Variants in IQCB1 observed in about 807,000 individuals in gnomAD.
The protein encoded by IQCB1 is IQ calmodulin-binding motif-containing protein 1.
Under a neutral mutation model 84.4 loss-of-function variants are expected in IQCB1, and 56 were observed. That is an observed-to-expected ratio of 0.66 (90% CI 0.54 to 0.83). The LOEUF (loss-of-function observed/expected upper bound fraction) is 0.83, where lower values mean the gene tolerates loss of function less well. IQCB1 is among the 40% of genes least tolerant of loss of function. The pLI, the probability that IQCB1 is intolerant of heterozygous loss-of-function variation, is 0.00. For missense variants in IQCB1, 629 were observed against 682.1 expected, an observed-to-expected ratio of 0.92 and a Z score of 0.87; for synonymous variants, 210 against 234.8, an observed-to-expected ratio of 0.89 and a Z score of 0.96.
chr3:121,813,691 G>A (rs1460125592), intron 5 of IQCB1, among the ~76,000 whole-genome samples: 4 of 152,154 alleles, frequency 2.6e-5, no homozygotes, highest in Non-Finnish European at 5.9e-5. Context: ...ATTATGTAAT[G>A]GTAAAGGGAT....
Position 121,770,380 on chromosome 3 carries a change from C to G in IQCB1, c.1762G>C (p.Glu588Gln), listed in dbSNP as rs1278353359. The G allele has an allele frequency of 6.2e-7, 1 of 1,613,906 alleles. No individual in the cohort carries two copies. The highest frequency in any genetic ancestry group is 2.2e-5 in the East Asian group (1 of 44,874). Residue 588 changes from glutamate (E) to glutamine (Q), a missense_variant, in exon 15 of 15, where the codon GAA becomes CAA. Transcript: ENST00000310864. Reference protein sequence around the residue: ...VPKDELSIELENLFIGGTKPP With the variant: ...VPKDELSIELQNLFIGGTKPP ...TTGGTTCCACCAATGAATAAATTTT[C>G]TAATTCTATACTAAGCTCATCCTTT...
At chr3:121,822,749 G>A (rs1231655226) in intron 5 of IQCB1, among the ~76,000 whole-genome samples, 1 of 152,116 alleles carries the variant, frequency 6.6e-6, no homozygotes, top group Non-Finnish European at 1.5e-5. Flanking sequence ...ATACTCTAAT[G>A]GCAAAACTGA....
chr3:121,778,278 C>T (rs75264961), intron 13 of IQCB1, among the ~76,000 whole-genome samples: 5,751 of 152,056 alleles, frequency 0.038, 161 homozygotes, highest in Non-Finnish European at 0.058. Context: ...AGATATTAGC[C>T]CTTTGTTAGA....
At chr3:121,831,363 AG>A (rs558168318) in intron 2 of IQCB1, among the ~76,000 whole-genome samples, 20 of 151,944 alleles carry the variant, frequency 1.3e-4, no homozygotes, top group Non-Finnish European at 2.5e-4. Context: ...TAGTAGAGAC[AG>A]GGTTTCTCCA....
intron 7 of IQCB1, among the ~76,000 whole-genome samples, chr3:121,805,614 A>G (rs1325390577): frequency 6.6e-6 from 1 of 152,102 alleles, no homozygotes; most frequent in Non-Finnish European, 1.5e-5. Context: ...ATTCCTCACT[A>G]CTGGAGTAAA....
intron 5 of IQCB1, among the ~76,000 whole-genome samples, chr3:121,824,958 A>G (rs895233740): frequency 4.6e-5 from 7 of 152,210 alleles, no homozygotes; most frequent in Non-Finnish European, 8.8e-5. Flanking sequence ...GCATGGCACC[A>G]TATTAAATAA....
chr3:121,805,474 C>A lies in IQCB1; in HGVS notation c.587+1870G>T, dbSNP rs114840766. On this transcript the variant is annotated intron_variant, in intron 7 of 14. Transcript: ENST00000310864. Reference sequence around the variant, plus strand: ...TAGTGAACTTCCTACCTTTGTATAACCTACAATAAAATTAATTTTAAAATA... The same window carrying A: ...TAGTGAACTTCCTACCTTTGTATAAACTACAATAAAATTAATTTTAAAATA... Among the ~76,000 whole-genome samples the A allele has an allele frequency of 5.8e-3, 879 of 152,228 alleles. 14 individuals are homozygous for A. The highest frequency in any genetic ancestry group is 0.031 in the Middle Eastern group (9 of 294).
chr3:121,781,965 C>A, intron 12 of IQCB1, 91 bp from the exon 13 acceptor site: 1 of 1,263,080 alleles, frequency 7.9e-7, no homozygotes, highest in Non-Finnish European at 1.1e-6. Flanking sequence ...GATCACATTG[C>A]AATAATGATT....
intron 5 of IQCB1, among the ~76,000 whole-genome samples, chr3:121,823,786 A>T (rs1950355803): frequency 6.6e-6 from 1 of 152,248 alleles, no homozygotes; most frequent in Non-Finnish European, 1.5e-5. Flanking sequence ...AAAGACAACC[A>T]GACATAGTAG....
chr3:121,802,886 A>G (rs1270067713), intron 7 of IQCB1, among the ~76,000 whole-genome samples: 1 of 152,158 alleles, frequency 6.6e-6, no homozygotes, highest in East Asian at 1.9e-4. Context: ...ATTTAAAAAT[A>G]ATTTCTAATT....
intron 5 of IQCB1, among the ~76,000 whole-genome samples, chr3:121,824,470 C>A (rs1950390347): frequency 6.6e-6 from 1 of 152,000 alleles, no homozygotes; most frequent in African/African-American, 2.4e-5. Flanking sequence ...AAAGGTGAAA[C>A]TGCAGAAAGT....
In IQCB1 at chr3:121,788,568, C is replaced by T. The variant is rs4073474; in HGVS notation, c.1130-136G>A. The stretch of plus-strand genomic sequence containing the variant: ...TTGTTCACTAATTTTCCCAATTCTA[C>T]TATTTTACCATGGTTCTAAGATTTT... On this transcript the variant is annotated intron_variant, in intron 11 of 14. Coordinates refer to ENST00000310864, the MANE Select transcript of IQCB1 (RefSeq NM_001023570.4). 0.62 allele frequency: 544,386 copies of T among 872,202 alleles called. 173,294 individuals are homozygous for T. Among genetic ancestry groups the T allele is most frequent in the African/African-American group, 0.71 (42,666 of 59,732 alleles). The allele number at this position is 872,202 out of a possible 1,614,324, so 54.0% of individuals were successfully genotyped here.
At position 121,826,247 on chromosome 3, in the gene IQCB1, C is replaced by CTG. The variant is rs1335736837; in HGVS notation, c.264-69_264-68dup. The CTG allele has an allele frequency of 8.0e-6, 12 of 1,507,562 alleles. No homozygotes were observed. The African/African-American group carries it at 1.7e-4, about 21-fold the overall frequency. 93.4% of individuals were successfully genotyped at this position (1,507,562 alleles called of 1,614,324 possible). ...TTGAATGCTCAAGCTTCTAGAGACA[C>CTG]TGTGCCTTATTGAGAATTTTTAGTA... On this transcript the variant is annotated intron_variant, in intron 4 of 14. Coordinates refer to ENST00000310864, the MANE Select transcript of IQCB1 (RefSeq NM_001023570.4).
intron 5 of IQCB1, among the ~76,000 whole-genome samples, chr3:121,809,539 G>A (rs6438669): frequency 0.64 from 97,819 of 151,904 alleles, 31,988 homozygotes; most frequent in African/African-American, 0.72. Flanking sequence ...GGCAAAGATC[G>A]TGTCATTTAG....
intron 5 of IQCB1, among the ~76,000 whole-genome samples, chr3:121,824,604 G>C (rs1950396029): frequency 6.8e-6 from 1 of 148,084 alleles, no homozygotes; most frequent in Non-Finnish European, 1.5e-5. Flanking sequence ...CTGAGTCCAT[G>C]AGTAAGGTTG....
chr3:121,826,919 T>C (rs1950484382), intron 4 of IQCB1, among the ~76,000 whole-genome samples: 1 of 152,132 alleles, frequency 6.6e-6, no homozygotes, highest in African/African-American at 2.4e-5. Flanking sequence ...GAACAAAAAC[T>C]GCTGTTTGAG....
intron 5 of IQCB1, among the ~76,000 whole-genome samples, chr3:121,811,617 C>T (rs1338251087): frequency 1.3e-5 from 2 of 152,120 alleles, no homozygotes; most frequent in African/African-American, 2.4e-5. Context: ...AGGCTTGAGT[C>T]GGCAGTTTTC....
intron 13 of IQCB1, 60 bp downstream of exon 13, chr3:121,781,683 C>T: frequency 7.2e-7 from 1 of 1,380,480 alleles, no homozygotes; most frequent in Non-Finnish European, 1.0e-6. Context: ...TGTGTGTGTA[C>T]AGTTATCAAT....
In IQCB1 at chr3:121,770,424, C is replaced by T. The variant is rs1378452664; in HGVS notation, c.1718G>A (p.Gly573Glu). Residue 573 changes from glycine (G) to glutamate (E), a missense_variant, in exon 15 of 15, where the codon GGA becomes GAA. Gly to Glu is a moderately conservative substitution (Grantham distance 98). Transcript: ENST00000310864. ...PWWKKLGEES[G>E]DEIDVPKDEL... ...ATCCTTTGGAACATCAATCTCATCT[C>T]CAGATTCTTCTCCAAGCTTCTTCCA... 1 of 1,614,188 alleles carries T rather than the reference C, an allele frequency of 6.2e-7. No homozygotes were observed.
Sources: gnomAD v4.1 joint callset for allele counts (sites outside exome capture counted in the v4.1 genomes callset) on GRCh38, gnomAD v4.1.1 for gene constraint, MANE v1.5 for transcripts, NCBI Gene and HGNC (gene_info 2026-07-23, HGNC 2026-07-21) for gene names.